TMEM175: variants seen among roughly 807,000 people sequenced by gnomAD.
TMEM175 encodes the protein endosomal/lysosomal proton channel TMEM175.
A neutral mutation model predicts 36.5 loss-of-function variants in TMEM175; 36 were observed. The ratio of observed to expected loss-of-function variants is 0.99; its 90% confidence interval spans 0.76 to 1.30. The LOEUF (loss-of-function observed/expected upper bound fraction) is 1.30. Among genes scored for constraint, TMEM175 ranks in the 50% most tolerant of loss-of-function variants. The pLI is 0.00. For missense variants in TMEM175, 705 were observed against 692.8 expected, an observed-to-expected ratio of 1.02 and a Z score of -0.20; for synonymous variants, 339 against 313.4, an observed-to-expected ratio of 1.08 and a Z score of -0.86.
Position 950,532 on chromosome 4 carries a change from C to A in TMEM175, c.290+14C>A. 6.2e-7 allele frequency: 1 copy of A among 1,602,420 alleles called. No individual in the cohort carries two copies. Among genetic ancestry groups the A allele is most frequent in the Non-Finnish European group, 8.5e-7 (1 of 1,169,734 alleles). Reference sequence around the variant, plus strand: ...AGCACACACAAGGTGGGGGCCCGGGCGCTTCCAGCGGTCCATAGCTGCTCT... The same window carrying A: ...AGCACACACAAGGTGGGGGCCCGGGAGCTTCCAGCGGTCCATAGCTGCTCT... On this transcript the variant is annotated intron_variant, in intron 4 of 10. Coordinates refer to ENST00000264771, the MANE Select transcript of TMEM175 (RefSeq NM_032326.4).
In TMEM175 at chr4:958,337, G is replaced by A. The variant is rs1412687667; in HGVS notation, c.1356G>A (p.Gln452=). Residue 452 remains glutamine (Q), a synonymous_variant, in exon 11 of 11, where the codon CAG becomes CAA. Transcript: ENST00000264771. ...GTGTGGGCATCTTCCACCTCATGCA[G>A]ATCGCCGTGCCCTGCGCCTTCCTGT... The part of the protein sequence containing the change: ...RFSVGIFHLM[Q]IAVPCAFLLL... 3.1e-6 allele frequency: 5 copies of A among 1,604,622 alleles called. No homozygotes were observed. In the South Asian group the frequency reaches 3.3e-5, roughly 11 times the overall value.
At position 947,889 on chromosome 4, in the gene TMEM175, C is replaced by A; in HGVS notation, c.150C>A (p.Val50=). The change falls in exon 2 of 11, where the codon GTC becomes GTA. Residue 50 remains valine (V), a synonymous_variant. Transcript: ENST00000264771. ...SDALLSIIAT[V]MILPVTHTEI... ...CCCTGCTGTCCATCATCGCCACCGT[C>A]ATGGTCTGTACGGGGCCCCTGCTTA... is the stretch of plus-strand genomic sequence containing the variant. The A allele has an allele frequency of 6.2e-7, 1 of 1,613,874 alleles. No homozygotes were observed. The highest frequency in any genetic ancestry group is 8.5e-7 in the Non-Finnish European group (1 of 1,180,016).
intron 8 of TMEM175, among the ~76,000 whole-genome samples, chr4:954,250 G>T (rs1041532329): frequency 6.6e-6 from 1 of 152,198 alleles, no homozygotes; most frequent in Admixed American, 6.5e-5. Context: ...GCCTCCCAAA[G>T]TGCTGGGATT....
At chr4:934,481 C>T (rs1726578027) in intron 1 of TMEM175, among the ~76,000 whole-genome samples, 1 of 151,876 alleles carries the variant, frequency 6.6e-6, no homozygotes, top group Admixed American at 6.6e-5. Context: ...TCATTGGTGA[C>T]CTCACCAAGA....
intron 1 of TMEM175, among the ~76,000 whole-genome samples, chr4:944,649 T>G (rs1727911881): frequency 6.6e-6 from 1 of 152,254 alleles, no homozygotes; most frequent in South Asian, 2.1e-4. Context: ...ATTGTTTACA[T>G]AAATGGTACA....
At chr4:942,918 G>A (rs564937735) in intron 1 of TMEM175, among the ~76,000 whole-genome samples, 1 of 152,282 alleles carries the variant, frequency 6.6e-6, no homozygotes, top group African/African-American at 2.4e-5. Flanking sequence ...GGGATTACAG[G>A]TGTGAGCCAC....
chr4:932,460 G>C lies in TMEM175; in HGVS notation c.-112G>C. The C allele has an allele frequency of 1.9e-6, 1 of 514,184 alleles. No homozygotes were observed. Among genetic ancestry groups the C allele is most frequent in the Non-Finnish European group, 3.2e-6 (1 of 311,298 alleles). The allele number at this position is 514,184 out of a possible 1,614,324, so 31.9% of individuals were successfully genotyped here. A position where few individuals can be genotyped will look rare whatever the true frequency, so the allele number is the denominator to read the frequency against. On this transcript the variant is annotated 5_prime_UTR_variant, in exon 1 of 11. Coordinates refer to ENST00000264771, the MANE Select transcript of TMEM175 (RefSeq NM_032326.4). This position sits in a 1 kb window ranked among gnomAD's most constrained non-coding sequence, Gnocchi z 4.0. ...TGCGCGGCGTCGCCGGGCTTGCGAT[G>C]AACTTCCGGCTGTCAAGCTCCCGGC...
intron 1 of TMEM175, among the ~76,000 whole-genome samples, chr4:939,678 T>C (rs1198278994): frequency 1.3e-5 from 2 of 152,168 alleles, no homozygotes; most frequent in African/African-American, 4.8e-5. Flanking sequence ...ATCATGCCAC[T>C]GCACTCCAGC....
intron 1 of TMEM175, among the ~76,000 whole-genome samples, chr4:943,274 C>T (rs767425607): frequency 3.9e-5 from 6 of 152,110 alleles, no homozygotes; most frequent in African/African-American, 7.2e-5. Flanking sequence ...TTTTCCTAGA[C>T]GGAGTCTTAC....
Position 957,895 on chromosome 4 carries a change from C to A in TMEM175, c.914C>A (p.Ala305Glu). The A allele has an allele frequency of 6.2e-7, 1 of 1,612,796 alleles. No individual in the cohort carries two copies. Among genetic ancestry groups the A allele is most frequent in the Non-Finnish European group, 8.5e-7 (1 of 1,179,956 alleles). ...FSGSLVAALSATGPRFLAYFG... is the reference protein window; with the variant it reads ...FSGSLVAALSETGPRFLAYFG... ...GGCAGCCTCGTGGCCGCCCTGAGTG[C>A]GACCGGGCCGCGCTTCCTGGCGTAC... The change falls in exon 11 of 11, where the codon GCG becomes GAG. Residue 305 changes from alanine to glutamate, a missense_variant. Coordinates refer to ENST00000264771, the MANE Select transcript of TMEM175 (RefSeq NM_032326.4).
chr4:947,657 C>A, intron 1 of TMEM175, 52 bp from the exon 2 acceptor site: 1 of 1,482,620 alleles, frequency 6.7e-7, no homozygotes, highest in Admixed American at 2.0e-5. Context: ...GGCTGCATGG[C>A]CGACCTCCAG....
At chr4:939,392 C>T (rs1727164025) in intron 1 of TMEM175, among the ~76,000 whole-genome samples, 1 of 151,908 alleles carries the variant, frequency 6.6e-6, no homozygotes, top group Non-Finnish European at 1.5e-5. Context: ...ACCAGCCTGA[C>T]CAACATGGAG....
intron 1 of TMEM175, among the ~76,000 whole-genome samples, chr4:936,550 C>CGGAAAGGATAATCG (rs1726804096): frequency 6.6e-6 from 1 of 152,252 alleles, no homozygotes; most frequent in African/African-American, 2.4e-5. Context: ...GACATCACTA[C>CGGAAAGGATAATCG]GGAAAGGATA....
In TMEM175 at chr4:953,224, A is replaced by G. The variant is rs909167966; in HGVS notation, c.497A>G (p.His166Arg). ...LIVGYAFHFP[H>R]LLSPQIQRSA... Reference sequence around the variant, plus strand: ...GTGGGGTACGCATTCCACTTCCCGCACCTGCTGAGCCCGCAGATCCAGCGC... The same window carrying G: ...GTGGGGTACGCATTCCACTTCCCGCGCCTGCTGAGCCCGCAGATCCAGCGC... Residue 166 changes from histidine (H) to arginine (R), a missense_variant, in exon 8 of 11, where the codon CAC becomes CGC. His to Arg is a conservative substitution (Grantham distance 29, BLOSUM62 0). Coordinates refer to ENST00000264771, the MANE Select transcript of TMEM175 (RefSeq NM_032326.4). 1 of 1,613,156 alleles carries G rather than the reference A, an allele frequency of 6.2e-7. No individual in the cohort carries two copies. Among genetic ancestry groups the G allele is most frequent in the South Asian group, 1.1e-5 (1 of 91,048 alleles).
intron 1 of TMEM175, among the ~76,000 whole-genome samples, chr4:947,143 T>C (rs140892583): frequency 0.015 from 1,886 of 126,176 alleles, 24 homozygotes; most frequent in Middle Eastern, 0.037. Flanking sequence ...GCGCAGCCCC[T>C]GTAGGAGACA....
Position 955,892 on chromosome 4 carries a change from T to C in TMEM175, c.842+2T>C, listed in dbSNP as rs1176851700. 6.2e-7 allele frequency: 1 copy of C among 1,612,604 alleles called. No individual in the cohort carries two copies. The highest frequency in any genetic ancestry group is 8.5e-7 in the Non-Finnish European group (1 of 1,178,860). ...CACGCTTCTCATCCTGGACATCTGG[T>C]GAGGACCCCGCGTCACCTGCCCCAG... On this transcript the variant is annotated splice_donor_variant, in intron 10 of 10. Coordinates refer to ENST00000264771, the MANE Select transcript of TMEM175 (RefSeq NM_032326.4). LOFTEE classifies it high-confidence loss of function.
Position 957,979 on chromosome 4 carries a change from A to ATG in TMEM175, c.1001_1002dup (p.Arg335CysfsTer11), listed in dbSNP as rs1167887965. The ATG allele has an allele frequency of 6.2e-7, 1 of 1,612,730 alleles. No individual in the cohort carries two copies. Among genetic ancestry groups the ATG allele is most frequent in the East Asian group, 2.2e-5 (1 of 44,876 alleles). ...TTCGCCCACCACTCACTCTTCCTGCATGTGCGCAAGGCCACGCGGGCCATG... is the reference window on the plus strand; with the variant it reads ...TTCGCCCACCACTCACTCTTCCTGCATGTGTGCGCAAGGCCACGCGGGCCATG... On this transcript the variant is annotated frameshift_variant, in exon 11 of 11. Coordinates refer to ENST00000264771, the MANE Select transcript of TMEM175 (RefSeq NM_032326.4). LOFTEE classifies it low-confidence loss of function (END_TRUNC).
At chr4:941,007 A>AAATAATAATAATAATAATAAT (rs71166902) in intron 1 of TMEM175, among the ~76,000 whole-genome samples, 3 of 131,864 alleles carry the variant, frequency 2.3e-5, no homozygotes, top group African/African-American at 2.9e-5. Context: ...CTCCGTCTCA[A>AAATAATAATAATAATAATAAT]AATAATAATA....
chr4:953,933 G>A (rs906186147), intron 8 of TMEM175, among the ~76,000 whole-genome samples: 7 of 152,200 alleles, frequency 4.6e-5, no homozygotes, highest in African/African-American at 9.6e-5. Context: ...TGATCCTCCC[G>A]CCTTAGCCTC....
Sources: allele counts gnomAD v4.1 joint callset (sites outside exome capture counted in the v4.1 genomes callset), GRCh38; gene constraint gnomAD v4.1.1; non-coding constraint Gnocchi (gnomAD v3.1); transcripts MANE v1.5; gene names NCBI Gene and HGNC (gene_info 2026-07-23, HGNC 2026-07-21).